DMD: variants seen among roughly 807,000 people sequenced by gnomAD.
DMD encodes the protein mutant dystrophin.
A neutral mutation model predicts 330.1 loss-of-function variants in DMD; 63 were observed. The ratio of observed to expected loss-of-function variants is 0.19; its 90% CI spans 0.16 to 0.24. The LOEUF (loss-of-function observed/expected upper bound fraction) is 0.24. Among genes scored for constraint, DMD ranks in the 10% least tolerant of loss-of-function variants. The pLI, the probability that DMD is intolerant of heterozygous loss-of-function variation, is 1.00. For synonymous variants in DMD, 1,223 were observed against 959.8 expected, an observed-to-expected ratio of 1.27 and a Z score of -5.07; for missense variants, 3,344 against 2,684.1, an observed-to-expected ratio of 1.25 and a Z score of -5.43.
chrX:32,039,933 T>C lies in DMD; in HGVS notation c.6439-71419A>G, dbSNP rs996837600. 3.6e-5 allele frequency among the ~76,000 whole-genome samples: 4 copies of C among 111,341 alleles called. No homozygotes were observed. In the East Asian group the frequency reaches 8.4e-4, roughly 23 times the overall value. On this transcript the variant is annotated intron_variant, in intron 44 of 78. Coordinates refer to ENST00000357033, the MANE Select transcript of DMD (RefSeq NM_004006.3). ...TCTGTGCCTGGGGGAAAAATGTTCA[T>C]GTACCTCAGAAGTAAACACATTTTA...
chrX:31,385,680 T>C (rs1057086217), intron 60 of DMD, among the ~76,000 whole-genome samples: 6 of 112,101 alleles, frequency 5.4e-5, no homozygotes, highest in African/African-American at 1.9e-4. Context: ...CACAATGAGG[T>C]ACCATCTCAC....
At chrX:31,855,874 T>C (rs927717866) in intron 48 of DMD, among the ~76,000 whole-genome samples, 1 of 112,322 alleles carries the variant, frequency 8.9e-6, no homozygotes, top group Non-Finnish European at 1.9e-5. Flanking sequence ...TTACTCAATA[T>C]GTCAGTCTTC....
At chrX:31,173,027 T>C (rs1459447830) in intron 72 of DMD, among the ~76,000 whole-genome samples, 1 of 111,906 alleles carries the variant, frequency 8.9e-6, no homozygotes, top group Non-Finnish European at 1.9e-5. Flanking sequence ...TAAAATATTT[T>C]AAAATTAGTA....
intron 2 of DMD, among the ~76,000 whole-genome samples, chrX:32,890,507 T>TG (rs1197434611): frequency 9.1e-6 from 1 of 110,273 alleles, no homozygotes; most frequent in African/African-American, 3.3e-5. Flanking sequence ...CAGTGATGCC[T>TG]GGGGCACAGT....
At chrX:32,889,891 A>G (rs1455052213) in intron 2 of DMD, among the ~76,000 whole-genome samples, 3 of 111,237 alleles carry the variant, frequency 2.7e-5, no homozygotes, top group African/African-American at 9.8e-5. Context: ...GGGCGTGACA[A>G]TCAGGTCCCC....
chrX:31,460,721 A>C (rs1038500859), intron 59 of DMD, among the ~76,000 whole-genome samples: 2 of 110,985 alleles, frequency 1.8e-5, no homozygotes, highest in African/African-American at 6.6e-5. Flanking sequence ...AGCTGGGACT[A>C]CAGACACATG....
chrX:32,150,311 T>C (rs1327376750), intron 44 of DMD, among the ~76,000 whole-genome samples: 1 of 112,227 alleles, frequency 8.9e-6, no homozygotes, highest in Non-Finnish European at 1.9e-5. Flanking sequence ...ACTGGCACTC[T>C]CTTGTTGTGA....
At chrX:32,592,313 T>G (rs974915581) in intron 13 of DMD, among the ~76,000 whole-genome samples, 1 of 110,612 alleles carries the variant, frequency 9.0e-6, no homozygotes, top group Non-Finnish European at 1.9e-5. Flanking sequence ...CCAATTAGAA[T>G]GTACCTCCTC....
At chrX:31,299,802 TG>T (rs950378087) in intron 62 of DMD, among the ~76,000 whole-genome samples, 3 of 83,392 alleles carry the variant, frequency 3.6e-5, no homozygotes, top group African/African-American at 1.3e-4. Flanking sequence ...AAAAAAAGGA[TG>T]GGGGGGATGA....
intron 55 of DMD, among the ~76,000 whole-genome samples, chrX:31,613,825 T>C (rs1168146154): frequency 8.9e-6 from 1 of 111,786 alleles, no homozygotes; most frequent in Non-Finnish European, 1.9e-5. Context: ...CTGTTTACTG[T>C]TCTGTAGAAG....
At chrX:31,738,946 TG>T (rs1179470353) in intron 51 of DMD, among the ~76,000 whole-genome samples, 1 of 110,189 alleles carries the variant, frequency 9.1e-6, no homozygotes, top group Non-Finnish European at 1.9e-5. Context: ...CGTGGGGAGG[TG>T]GGGGTGGTGT....
chrX:31,936,800 A>G (rs948012217), intron 45 of DMD, among the ~76,000 whole-genome samples: 4 of 111,282 alleles, frequency 3.6e-5, no homozygotes, highest in South Asian at 3.7e-4. Flanking sequence ...CAAATATTTA[A>G]TCCATCTTAA....
intron 1 of DMD, among the ~76,000 whole-genome samples, chrX:33,055,080 A>T (rs1288597131): frequency 8.9e-6 from 1 of 111,917 alleles, no homozygotes; most frequent in Non-Finnish European, 1.9e-5. Context: ...TTGATTGAGC[A>T]TTAAGATTGA....
intron 1 of DMD, among the ~76,000 whole-genome samples, chrX:33,148,799 CTG>C (rs1209904078): frequency 8.9e-6 from 1 of 111,992 alleles, no homozygotes; most frequent in African/African-American, 3.2e-5. Flanking sequence ...TCAAGATGAC[CTG>C]CTGAAAAACC....
Position 31,943,782 on chromosome X carries a change from C to T in DMD, c.6615-11555G>A, listed in dbSNP as rs911537464. The stretch of plus-strand genomic sequence containing the variant: ...CTCGTGGTAGTAATTCTTTCCACCC[C>T]CAGAAAAAATGTCATCTGTTTTCTC... On this transcript the variant is annotated intron_variant, in intron 45 of 78. Coordinates refer to ENST00000357033, the MANE Select transcript of DMD (RefSeq NM_004006.3). Among the ~76,000 whole-genome samples, 15 of 109,445 alleles carry T rather than the reference C, an allele frequency of 1.4e-4. No homozygotes were observed. The East Asian group carries it at 4.3e-3, about 31-fold the overall frequency.
intron 30 of DMD, among the ~76,000 whole-genome samples, chrX:32,408,167 A>G (rs1235621448): frequency 8.9e-6 from 1 of 111,892 alleles, no homozygotes. Context: ...TTTGAAATAA[A>G]ATACTCCTAG....
chrX:31,278,521 T>C (rs1343675375), intron 62 of DMD, among the ~76,000 whole-genome samples: 15 of 111,539 alleles, frequency 1.3e-4, no homozygotes, highest in Non-Finnish European at 2.8e-4. Flanking sequence ...GGTGGCTGTT[T>C]GGGAGTATAC....
rs192625785 is a variant in DMD at position 31,975,694 on chromosome X, A to G, written c.6439-7180T>C. On this transcript the variant is annotated intron_variant, in intron 44 of 78. Coordinates refer to ENST00000357033, the MANE Select transcript of DMD (RefSeq NM_004006.3). ...TCAAAAAACACTGTCTCAGGACGTG[A>G]TATTCGAAAGGAAGCATAGGTCATT... is the stretch of plus-strand genomic sequence containing the variant. Among the ~76,000 whole-genome samples the G allele has an allele frequency of 1.5e-4, 17 of 112,075 alleles. No homozygotes were observed. In the East Asian group the frequency reaches 4.5e-3, roughly 30 times the overall value.
intron 2 of DMD, among the ~76,000 whole-genome samples, chrX:32,873,842 T>G (rs750483647): frequency 8.9e-6 from 1 of 112,172 alleles, no homozygotes; most frequent in Non-Finnish European, 1.9e-5. Context: ...AAGGGTAAGA[T>G]TTTCAATCTG....
Sources: allele counts gnomAD v4.1 joint callset (sites outside exome capture counted in the v4.1 genomes callset), GRCh38; gene constraint gnomAD v4.1.1; transcripts MANE v1.5; gene names NCBI Gene and HGNC (gene_info 2026-07-23, HGNC 2026-07-21).